STK38L: variants seen among roughly 807,000 people sequenced by gnomAD.
STK38L encodes serine/threonine-protein kinase 38-like.
A neutral mutation model predicts 59.7 loss-of-function variants in STK38L; 28 were observed. That is an observed-to-expected ratio of 0.47 (90% CI 0.35 to 0.64). The LOEUF is 0.64. Among genes scored for constraint, STK38L ranks in the 30% least tolerant of loss-of-function variants. The pLI, the probability that STK38L is intolerant of heterozygous loss-of-function variation, is 0.01. For synonymous variants in STK38L, 162 were observed against 176.8 expected (o/e 0.92, Z 0.66); for missense variants, 314 against 555.8 (o/e 0.56, Z 4.37).
At chr12:27,304,916 T>C (rs7961033) in intron 3 of STK38L, among the ~76,000 whole-genome samples, 8,612 of 152,184 alleles carry the variant, frequency 0.057, 771 homozygotes, top group African/African-American at 0.19. Context: ...CACAAAGAAA[T>C]AGATTAATAT....
chr12:27,315,122 G>A lies in STK38L; in HGVS notation c.775+5G>A. ...ACAACCCACCAAGTGACTTCTGTAA[G>A]TTTGGTTGTTGTTTTTCTTCTTTCC... On this transcript the variant is annotated splice_donor_5th_base_variant and intron_variant, in intron 8 of 13. Transcript: ENST00000389032. The A allele has an allele frequency of 6.2e-7, 1 of 1,611,730 alleles. No homozygotes were observed. Among genetic ancestry groups the A allele is most frequent in the Non-Finnish European group, 8.5e-7 (1 of 1,178,426 alleles).
At chr12:27,262,119 GTGTACCATT>G (rs1943214724) in intron 1 of STK38L, among the ~76,000 whole-genome samples, 2 of 152,122 alleles carry the variant, frequency 1.3e-5, no homozygotes. Flanking sequence ...TCAGACGTTT[GTGTACCATT>G]TGTACCATTT....
rs532501993 is a variant in STK38L at position 27,318,846 on chromosome 12, C to T, written c.1080-482C>T. On this transcript the variant is annotated intron_variant, in intron 11 of 13. Transcript: ENST00000389032. Reference sequence around the variant, plus strand: ...CTCTACTAAAAATACAAAAAATTAGCCGGGCGAGGTGGCGGGCGCCTGTAG... The same window carrying T: ...CTCTACTAAAAATACAAAAAATTAGTCGGGCGAGGTGGCGGGCGCCTGTAG... Among the ~76,000 whole-genome samples the T allele has an allele frequency of 1.3e-3, 191 of 152,142 alleles. 2 individuals carry two copies. The highest frequency in any genetic ancestry group is 4.5e-3 in the African/African-American group (186 of 41,506).
At chr12:27,262,259 A>G (rs891363874) in intron 1 of STK38L, among the ~76,000 whole-genome samples, 8 of 152,346 alleles carry the variant, frequency 5.3e-5, no homozygotes, top group Non-Finnish European at 8.8e-5. Context: ...GAAGCCAGCC[A>G]TTACACACTG....
At chr12:27,254,837 A>G (rs955378021) in intron 1 of STK38L, among the ~76,000 whole-genome samples, 3 of 152,164 alleles carry the variant, frequency 2.0e-5, no homozygotes, top group African/African-American at 7.2e-5. Flanking sequence ...GTTAAAAGAG[A>G]TCAAGTACCT....
At chr12:27,292,656 C>T (rs1943921616) in intron 1 of STK38L, among the ~76,000 whole-genome samples, 1 of 152,184 alleles carries the variant, frequency 6.6e-6, no homozygotes, top group African/African-American at 2.4e-5. Context: ...GCGATGCTTT[C>T]ATTACAAAGA....
rs1207935520 is a variant in STK38L, at chr12:27,309,185, T to C, written c.381T>C (p.Leu127=). Residue 127 remains leucine (L), a synonymous_variant, in exon 5 of 14, where the codon CTT becomes CTC. Transcript: ENST00000389032. ...AGATATTGAGAAAGTCTGATATGCT[T>C]GAAAAAGAGCAGGTATGAGTTCTTT... ...AMKILRKSDM[L]EKEQVAHIRA... 6.3e-7 allele frequency: 1 copy of C among 1,599,420 alleles called. No individual in the cohort carries two copies. The highest frequency in any genetic ancestry group is 1.3e-5 in the African/African-American group (1 of 74,528).
intron 1 of STK38L, among the ~76,000 whole-genome samples, chr12:27,292,808 G>A (rs956716517): frequency 3.3e-5 from 5 of 152,130 alleles, no homozygotes; most frequent in Admixed American, 2.0e-4. Context: ...ATCCACTTCC[G>A]ATTTTGGAGT....
intron 1 of STK38L, among the ~76,000 whole-genome samples, chr12:27,283,912 A>G (rs1221501499): frequency 6.6e-6 from 1 of 152,214 alleles, no homozygotes; most frequent in Non-Finnish European, 1.5e-5. Flanking sequence ...GCGCACAGCT[A>G]AATATACGTT....
chr12:27,255,117 A>C (rs1261954038), intron 1 of STK38L, among the ~76,000 whole-genome samples: 2 of 152,246 alleles, frequency 1.3e-5, no homozygotes, highest in Non-Finnish European at 2.9e-5. Flanking sequence ...ATGTAGTTAA[A>C]GCTTTAAGAT....
intron 1 of STK38L, among the ~76,000 whole-genome samples, chr12:27,272,109 T>A (rs1801563650): frequency 6.6e-6 from 1 of 152,234 alleles, no homozygotes; most frequent in Non-Finnish European, 1.5e-5. Flanking sequence ...CTTCGGCTCT[T>A]GGCTATTTTT....
chr12:27,270,976 G>GT (rs1943411246), intron 1 of STK38L, among the ~76,000 whole-genome samples: 1 of 152,212 alleles, frequency 6.6e-6, no homozygotes, highest in South Asian at 2.1e-4. Context: ...AAAGGGACAT[G>GT]TTAACAGTGT....
intron 2 of STK38L, 138 bp downstream of exon 2, chr12:27,297,992 T>C (rs1404854411): frequency 1.9e-6 from 2 of 1,048,268 alleles, no homozygotes; most frequent in South Asian, 1.8e-5. Flanking sequence ...GTACTGACAG[T>C]GCACATAGAC....
chr12:27,290,480 CTTAAACTAGCT>C (rs1054597360), intron 1 of STK38L, among the ~76,000 whole-genome samples: 1 of 152,194 alleles, frequency 6.6e-6, no homozygotes, highest in African/African-American at 2.4e-5. Context: ...TTAAACTAGC[CTTAAACTAGCT>C]TTTCTTATAC....
intron 1 of STK38L, among the ~76,000 whole-genome samples, chr12:27,264,402 C>T (rs1165869714): frequency 6.6e-6 from 1 of 152,062 alleles, no homozygotes; most frequent in African/African-American, 2.4e-5. Flanking sequence ...TTTTAAAGAA[C>T]CTGAAATGGG....
intron 1 of STK38L, among the ~76,000 whole-genome samples, chr12:27,248,457 A>G (rs1942903807): frequency 6.6e-6 from 1 of 152,190 alleles, no homozygotes; most frequent in Non-Finnish European, 1.5e-5. Flanking sequence ...CACATTTGTT[A>G]TTGTTTAAGA....
At position 27,318,098 on chromosome 12, in the gene STK38L, G is replaced by T. The variant is rs1944630951; in HGVS notation, c.1079+79G>T. The T allele has an allele frequency of 2.7e-5, 42 of 1,530,032 alleles. 1 individual carries two copies. In the South Asian group the frequency reaches 4.7e-4, roughly 17 times the overall value. The allele number at this position is 1,530,032 out of a possible 1,614,324, so 94.8% of individuals were successfully genotyped here. On this transcript the variant is annotated intron_variant, in intron 11 of 13. Transcript: ENST00000389032. Reference sequence around the variant, plus strand: ...CCTAAAAGACTCATTTCACTTTTGTGGGGGAAGAGGGGATACCACTGATGT... The same window carrying T: ...CCTAAAAGACTCATTTCACTTTTGTTGGGGAAGAGGGGATACCACTGATGT...
chr12:27,244,395 C>CGAGCAG (rs968576506), intron 1 of STK38L, 63 bp downstream of exon 1: 1 of 152,368 alleles, frequency 6.6e-6, no homozygotes, highest in African/African-American at 2.4e-5. Flanking sequence ...CCCAACTCTG[C>CGAGCAG]GAGCAGGAGC....
Position 27,315,442 on chromosome 12 carries a change from G to C in STK38L, c.837+92G>C, listed in dbSNP as rs930099802. On this transcript the variant is annotated intron_variant, in intron 9 of 13. Transcript: ENST00000389032. ...ATTATTTTTATCTTTATAATAATTA[G>C]TATTTACTTCATAACAATGGTAGCG... 7 of 987,626 alleles carry C rather than the reference G, an allele frequency of 7.1e-6. No individual in the cohort carries two copies. In the African/African-American group the frequency reaches 1.0e-4, roughly 14 times the overall value. 61.2% of individuals were successfully genotyped at this position (987,626 alleles called of 1,614,324 possible).
Sources: gnomAD v4.1 joint callset for allele counts (sites outside exome capture counted in the v4.1 genomes callset) on GRCh38, gnomAD v4.1.1 for gene constraint, MANE v1.5 for transcripts, NCBI Gene and HGNC (gene_info 2026-07-23, HGNC 2026-07-21) for gene names.